ABLIM1: variants seen among roughly 807,000 people sequenced by gnomAD.
ABLIM1 encodes the protein actin-binding LIM protein 1.
A neutral mutation model predicts 107.0 loss-of-function variants in ABLIM1; 40 were observed. The observed-to-expected ratio is 0.37, with a 90% CI of 0.29 to 0.49. The LOEUF (loss-of-function observed/expected upper bound fraction) is 0.49. Ranked by LOEUF, ABLIM1 falls within the 20% of genes least tolerant of loss-of-function variation. The probability of loss-of-function intolerance (pLI) is 0.97; values close to 1 mark genes in which losing one functional copy is unlikely to be tolerated. For synonymous variants in ABLIM1, 357 were observed against 357.3 expected (o/e 1.00, Z 0.01); for missense variants, 857 against 1,008.5 (o/e 0.85, Z 2.04).
intron 1 of ABLIM1, among the ~76,000 whole-genome samples, chr10:114,725,522 C>T (rs925460082): frequency 5.9e-5 from 9 of 151,892 alleles, no homozygotes. Flanking sequence ...AGAGTATGGT[C>T]GCTTTTGGGA....
At chr10:114,527,683 G>A (rs912058826) in intron 6 of ABLIM1, among the ~76,000 whole-genome samples, 51 of 119,150 alleles carry the variant, frequency 4.3e-4, no homozygotes, top group African/African-American at 1.6e-3. Context: ...TTTTTGAGAT[G>A]GGATCTCTGT....
chr10:114,666,594 G>T (rs746815448), intron 1 of ABLIM1, among the ~76,000 whole-genome samples: 27 of 152,216 alleles, frequency 1.8e-4, no homozygotes, highest in Non-Finnish European at 7.3e-5. Context: ...TCTTGGTTTT[G>T]CTACTTGCTG....
intron 3 of ABLIM1, among the ~76,000 whole-genome samples, chr10:114,572,514 C>G (rs542907508): frequency 6.6e-6 from 1 of 152,212 alleles, no homozygotes; most frequent in South Asian, 2.1e-4. Context: ...TTAGAAGTCC[C>G]GAGGAGAGGT....
intron 6 of ABLIM1, among the ~76,000 whole-genome samples, chr10:114,498,000 G>A (rs947959663): frequency 1.3e-5 from 2 of 152,198 alleles, no homozygotes; most frequent in Non-Finnish European, 2.9e-5. Context: ...AAAATTTAGT[G>A]TAAGTCACAA....
chr10:114,706,632 A>G (rs1434690442), intron 1 of ABLIM1, among the ~76,000 whole-genome samples: 1 of 152,232 alleles, frequency 6.6e-6, no homozygotes, highest in Admixed American at 6.5e-5. Flanking sequence ...ACACCAATGT[A>G]ATGAAGCCTG....
At chr10:114,559,619 T>G (rs1251371020) in intron 4 of ABLIM1, among the ~76,000 whole-genome samples, 2 of 152,180 alleles carry the variant, frequency 1.3e-5, no homozygotes. Context: ...GCTCTACCAG[T>G]GCTTCCCTGT....
At chr10:114,722,158 A>G (rs900596706) in intron 1 of ABLIM1, among the ~76,000 whole-genome samples, 2 of 152,196 alleles carry the variant, frequency 1.3e-5, no homozygotes, top group African/African-American at 4.8e-5. Flanking sequence ...GATAATTTAT[A>G]ATGAAAAGAG....
chr10:114,535,489 T>C (rs1054969600), intron 6 of ABLIM1, among the ~76,000 whole-genome samples: 8 of 152,108 alleles, frequency 5.3e-5, no homozygotes, highest in African/African-American at 1.9e-4. Context: ...TTTTGTACTT[T>C]TAGTAGAGAT....
chr10:114,515,922 C>T (rs934345569), intron 6 of ABLIM1, among the ~76,000 whole-genome samples: 1 of 152,204 alleles, frequency 6.6e-6, no homozygotes, highest in African/African-American at 2.4e-5. Context: ...GCTCTACCCA[C>T]ACCTTGATTT....
the ABLIM1 span, chr10:114,777,860 T>C: frequency 6.6e-6 from 1 of 152,248 alleles, no homozygotes; most frequent in African/African-American, 2.4e-5. Context: ...TTAGTTCATA[T>C]GGTGTTCATT....
intron 1 of ABLIM1, among the ~76,000 whole-genome samples, chr10:114,738,601 C>T (rs181194185): frequency 1.1e-4 from 16 of 152,168 alleles, no homozygotes; most frequent in African/African-American, 3.6e-4. Flanking sequence ...ACTACCAAAA[C>T]AGAGCTCAAG....
At chr10:114,591,558 TA>T (rs2074871992) in intron 2 of ABLIM1, among the ~76,000 whole-genome samples, 1 of 151,890 alleles carries the variant, frequency 6.6e-6, no homozygotes, top group African/African-American at 2.4e-5. Context: ...ATTAGAAGGA[TA>T]AAAAAAGGAT....
intron 1 of ABLIM1, among the ~76,000 whole-genome samples, chr10:114,633,528 C>T (rs747026145): frequency 2.0e-5 from 3 of 152,156 alleles, no homozygotes; most frequent in Non-Finnish European, 2.9e-5. Flanking sequence ...CAACATACTT[C>T]GCCCACACCA....
At chr10:114,517,572 C>T (rs151188509) in intron 6 of ABLIM1, among the ~76,000 whole-genome samples, 7 of 152,038 alleles carry the variant, frequency 4.6e-5, no homozygotes, top group Non-Finnish European at 7.4e-5. Flanking sequence ...TCCTTAGGAA[C>T]GAATTCAAGG....
At chr10:114,679,635 CAAA>C (rs757677426) in intron 1 of ABLIM1, among the ~76,000 whole-genome samples, 7 of 86,292 alleles carry the variant, frequency 8.1e-5, no homozygotes, top group Non-Finnish European at 5.1e-5. Flanking sequence ...AACTCCGTCT[CAAA>C]AAAAAAAAAA....
chr10:114,679,388 ACTCTGG>A, intron 1 of ABLIM1, among the ~76,000 whole-genome samples: 1 of 151,848 alleles, frequency 6.6e-6, no homozygotes, highest in East Asian at 1.9e-4. Context: ...TAATCCCAGC[ACTCTGG>A]GAGGCCTAGG....
chr10:114,673,803 C>T (rs534311933), intron 1 of ABLIM1, among the ~76,000 whole-genome samples: 3 of 152,248 alleles, frequency 2.0e-5, no homozygotes, highest in South Asian at 2.1e-4. Flanking sequence ...GACACGATGA[C>T]GGGCTTCAGT....
the ABLIM1 span, among the ~76,000 whole-genome samples, chr10:114,773,328 A>T: frequency 6.6e-6 from 1 of 152,350 alleles, no homozygotes; most frequent in South Asian, 2.1e-4. Context: ...AAGAGAAAGG[A>T]CATAGCCTAG....
At chr10:114,468,285 G>A in intron 10 of ABLIM1, 69 bp from the exon 11 acceptor site, 1 of 1,487,116 alleles carries the variant, frequency 6.7e-7, no homozygotes. Context: ...TTGTTTGTTT[G>A]TTTGTTTGAG....
Sources: gnomAD v4.1 joint callset for allele counts (sites outside exome capture counted in the v4.1 genomes callset) on GRCh38, gnomAD v4.1.1 for gene constraint, MANE v1.5 for transcripts, NCBI Gene and HGNC (gene_info 2026-07-23, HGNC 2026-07-21) for gene names.